Variants in ATP10B observed in about 807,000 individuals in gnomAD.
ATP10B encodes phospholipid-transporting ATPase VB.
A neutral mutation model predicts 141.2 loss-of-function variants in ATP10B; 122 were observed. The ratio of observed to expected loss-of-function variants is 0.86; its 90% CI spans 0.75 to 1.00. The LOEUF is 1.00. Among genes scored for constraint, ATP10B ranks in the 50% least tolerant of loss-of-function variants. The pLI is 0.00. For synonymous variants in ATP10B, 685 were observed against 692.0 expected, an observed-to-expected ratio of 0.99 and a Z score of 0.16; for missense variants, 1,876 against 1,825.3, an observed-to-expected ratio of 1.03 and a Z score of -0.51.
chr5:160,655,525 T>C (rs116213944), intron 7 of ATP10B, among the ~76,000 whole-genome samples: 3 of 152,166 alleles, frequency 2.0e-5, no homozygotes, highest in Non-Finnish European at 4.4e-5. Context: ...GTAAGGTTAG[T>C]AATGGAGAGG....
chr5:160,850,966 G>GATTA (rs1432909038), intron 1 of ATP10B, among the ~76,000 whole-genome samples: 1 of 152,208 alleles, frequency 6.6e-6, no homozygotes, highest in Non-Finnish European at 1.5e-5. Context: ...TGATCTGCCT[G>GATTA]ATTAATGGCT....
At chr5:160,797,146 G>T (rs1286230830) in intron 1 of ATP10B, among the ~76,000 whole-genome samples, 1 of 152,074 alleles carries the variant, frequency 6.6e-6, no homozygotes, top group Non-Finnish European at 1.5e-5. Context: ...ACCCCTGGCT[G>T]GGAAAGGCAT....
chr5:160,620,367 A>T lies in ATP10B; in HGVS notation c.2396T>A (p.Leu799Gln), dbSNP rs765091809. The T allele has an allele frequency of 4.3e-6, 7 of 1,611,728 alleles. No homozygotes were observed. Among genetic ancestry groups the T allele is most frequent in the Non-Finnish European group, 5.9e-6 (7 of 1,178,612 alleles). Residue 799 changes from leucine (L) to glutamine (Q), a missense_variant, in exon 15 of 26, where the codon CTG becomes CAG. Physicochemically the swap from Leu to Gln is moderately radical, Grantham distance 113 (BLOSUM62 -2). Transcript: ENST00000327245. Reference sequence around the variant, plus strand: ...CTCACCGCAGGCTGGGTCTTCCAGCAGGTCCATGATGACCGAGTCAGCACC... The same window carrying T: ...CTCACCGCAGGCTGGGTCTTCCAGCTGGTCCATGATGACCGAGTCAGCACC... ...TKGADSVIMD[L>Q]LEDPACVPDI...
intron 6 of ATP10B, among the ~76,000 whole-genome samples, chr5:160,682,945 AGGAGAATGGCATGAACCCG>A (rs1487096419): frequency 6.8e-6 from 1 of 147,832 alleles, no homozygotes; most frequent in Non-Finnish European, 1.5e-5. Context: ...AGGCTGAGGC[AGGAGAATGGCATGAACCCG>A]GGAGGTGGAG....
Position 160,695,884 on chromosome 5 carries a change from G to A in ATP10B, c.-204-6941C>T, listed in dbSNP as rs149305830. Reference sequence around the variant, plus strand: ...ACCCTGAGGACAAAATGTGTAAATCGCAGGAAAAAAAAAGAAAAGATTTCC... The same window carrying A: ...ACCCTGAGGACAAAATGTGTAAATCACAGGAAAAAAAAAGAAAAGATTTCC... On this transcript the variant is annotated intron_variant, in intron 3 of 25. Transcript: ENST00000327245. 3.7e-3 allele frequency among the ~76,000 whole-genome samples: 556 copies of A among 151,232 alleles called. 3 individuals are homozygous for A. The highest frequency in any genetic ancestry group is 6.6e-3 in the Non-Finnish European group (444 of 67,762).
intron 2 of ATP10B, among the ~76,000 whole-genome samples, chr5:160,755,839 ATATATATAT>A (rs1447676154): frequency 1.6e-4 from 5 of 31,260 alleles, no homozygotes; most frequent in Non-Finnish European, 2.2e-4. Flanking sequence ...AAAAAAAAAA[ATATATATAT>A]ATATATATAT....
intron 1 of ATP10B, among the ~76,000 whole-genome samples, chr5:160,791,864 A>T (rs1198441467): frequency 1.3e-5 from 2 of 152,146 alleles, no homozygotes; most frequent in Non-Finnish European, 2.9e-5. Context: ...AACTGACAGT[A>T]TCAGCCTTCG....
In ATP10B at chr5:160,589,166, C is replaced by G. The variant is rs553874948; in HGVS notation, c.3750+426G>C. 7.9e-5 allele frequency among the ~76,000 whole-genome samples: 12 copies of G among 152,122 alleles called. No individual in the cohort carries two copies. The East Asian group carries it at 2.1e-3, about 27-fold the overall frequency. On this transcript the variant is annotated intron_variant, in intron 24 of 25. Coordinates refer to ENST00000327245, the MANE Select transcript of ATP10B (RefSeq NM_025153.3). ...AGCTGTGACCACAGGCGCCTGCTAC[C>G]ACACCCAACTAATTTTTTTATTTTT...
At chr5:160,656,656 A>G (rs896100516) in intron 7 of ATP10B, among the ~76,000 whole-genome samples, 1 of 152,184 alleles carries the variant, frequency 6.6e-6, no homozygotes, top group Non-Finnish European at 1.5e-5. Context: ...TTCTTAAATA[A>G]TGGACATTGA....
chr5:160,825,867 A>G (rs962554783), intron 1 of ATP10B, among the ~76,000 whole-genome samples: 4 of 152,186 alleles, frequency 2.6e-5, no homozygotes, highest in Non-Finnish European at 4.4e-5. Context: ...GTCCATGTGC[A>G]CTCAATGTTT....
At chr5:160,652,464 TATTTATTTATTC>T (rs1429534769) in intron 7 of ATP10B, among the ~76,000 whole-genome samples, 15 of 67,428 alleles carry the variant, frequency 2.2e-4, no homozygotes, top group African/African-American at 7.2e-4. Flanking sequence ...TTTATTTATT[TATTTATTTATTC>T]GAGACAGGGT....
In ATP10B at chr5:160,564,979, T is replaced by C. The variant is rs897090580; in HGVS notation, c.*474A>G. The C allele has an allele frequency of 6.4e-6, 1 of 155,912 alleles. No homozygotes were observed. The highest frequency in any genetic ancestry group is 1.4e-5 in the Non-Finnish European group (1 of 70,590). 9.7% of individuals were successfully genotyped at this position (155,912 alleles called of 1,614,324 possible). On this transcript the variant is annotated 3_prime_UTR_variant, in exon 26 of 26. Transcript: ENST00000327245. ...AACCCCGATTCAGCCATTACTGCAA[T>C]ACACTTGAGATGAAGCCCTTATGTG...
chr5:160,804,009 G>A (rs1045531384), intron 1 of ATP10B, among the ~76,000 whole-genome samples: 1 of 152,038 alleles, frequency 6.6e-6, no homozygotes. Context: ...ACTGGAACTG[G>A]AGTTACTGTG....
At chr5:160,731,957 A>G (rs1766772365) in intron 2 of ATP10B, among the ~76,000 whole-genome samples, 2 of 152,180 alleles carry the variant, frequency 1.3e-5, no homozygotes, top group Non-Finnish European at 2.9e-5. Context: ...TCCATATTTA[A>G]CCTTCATTAT....
intron 12 of ATP10B, 164 bp downstream of exon 12, chr5:160,634,190 C>A (rs745838581): frequency 1.1e-6 from 1 of 949,062 alleles, no homozygotes. Context: ...TTGGAACAGC[C>A]CTGATCTGTG....
At chr5:160,805,841 T>C (rs565459587) in intron 1 of ATP10B, among the ~76,000 whole-genome samples, 6 of 152,172 alleles carry the variant, frequency 3.9e-5, no homozygotes, top group Non-Finnish European at 8.8e-5. Flanking sequence ...TGTGTGTGCA[T>C]ATTTATATTT....
At chr5:160,640,694 C>A (rs1372406943) in intron 9 of ATP10B, 102 bp from the exon 10 acceptor site, 16 of 1,446,724 alleles carry the variant, frequency 1.1e-5, no homozygotes, top group Non-Finnish European at 1.5e-5. Flanking sequence ...AAAAGAGAGG[C>A]TTCACTCTTT....
At chr5:160,921,784 G>A in the ATP10B span, among the ~76,000 whole-genome samples, 2 of 152,192 alleles carry the variant, frequency 1.3e-5, no homozygotes, top group Admixed American at 1.3e-4. Flanking sequence ...CATTCCCTTG[G>A]CCCTCTGCTG....
chr5:160,925,669 A>C, the ATP10B span, among the ~76,000 whole-genome samples: 10 of 152,218 alleles, frequency 6.6e-5, no homozygotes, highest in African/African-American at 2.4e-4. Context: ...AAAGTTAAAG[A>C]ATTTAAAACA....
Sources: gnomAD v4.1 joint callset for allele counts (sites outside exome capture counted in the v4.1 genomes callset) on GRCh38, gnomAD v4.1.1 for gene constraint, MANE v1.5 for transcripts, NCBI Gene and HGNC (gene_info 2026-07-23, HGNC 2026-07-21) for gene names.